The following NAV3 variants were observed in gnomAD, a reference collection of about 807,000 sequenced individuals.
NAV3 encodes pore membrane and/or filament interacting like protein 1.
Under a neutral mutation model 244.7 loss-of-function variants are expected in NAV3, and 87 were observed. The observed-to-expected ratio is 0.36, with a 90% CI of 0.30 to 0.42. The LOEUF (loss-of-function observed/expected upper bound fraction) is 0.42, where lower values mean the gene tolerates loss of function less well. Ranked by LOEUF, NAV3 falls within the 20% of genes least tolerant of loss-of-function variation. The pLI, the probability that NAV3 is intolerant of heterozygous loss-of-function variation, is 1.00. For missense variants in NAV3, 2,663 were observed against 2,893.3 expected, an observed-to-expected ratio of 0.92 and a Z score of 1.83; for synonymous variants, 1,126 against 1,042.2, an observed-to-expected ratio of 1.08 and a Z score of -1.55.
At chr12:77,961,503 A>G (rs565415005) in intron 3 of NAV3, among the ~76,000 whole-genome samples, 2 of 126,798 alleles carry the variant, frequency 1.6e-5, no homozygotes, top group East Asian at 4.8e-4. Flanking sequence ...TATATGTAAT[A>G]TATTAAATAT....
At chr12:78,047,613 A>T (rs1393490453) in intron 9 of NAV3, among the ~76,000 whole-genome samples, 1 of 152,180 alleles carries the variant, frequency 6.6e-6, no homozygotes, top group African/African-American at 2.4e-5. Context: ...GTGGGTAATC[A>T]GCCTTTCTCT....
intron 12 of NAV3, among the ~76,000 whole-genome samples, chr12:78,073,013 A>G (rs2137665041): frequency 7.0e-6 from 1 of 142,466 alleles, no homozygotes; most frequent in Non-Finnish European, 1.6e-5. Context: ...CTCTCAATAA[A>G]TTAGGTATTG....
At chr12:77,587,146 A>G (rs765261242) in intron 2 of NAV3, among the ~76,000 whole-genome samples, 2 of 152,202 alleles carry the variant, frequency 1.3e-5, no homozygotes, top group Non-Finnish European at 2.9e-5. Flanking sequence ...TTGTATTATC[A>G]TAAATTATTA....
intron 18 of NAV3, among the ~76,000 whole-genome samples, chr12:78,130,109 T>C (rs1489911076): frequency 6.6e-6 from 1 of 152,208 alleles, no homozygotes; most frequent in Non-Finnish European, 1.5e-5. Flanking sequence ...AGCTGAATAA[T>C]CTTCACTGCT....
intron 2 of NAV3, among the ~76,000 whole-genome samples, chr12:77,635,792 G>A (rs1872128806): frequency 6.6e-6 from 1 of 152,134 alleles, no homozygotes; most frequent in Non-Finnish European, 1.5e-5. Context: ...AAACCGCTGT[G>A]AGGTAGGAAC....
intron 2 of NAV3, among the ~76,000 whole-genome samples, chr12:77,641,079 T>G (rs1872389563): frequency 6.6e-6 from 1 of 152,160 alleles, no homozygotes; most frequent in South Asian, 2.1e-4. Flanking sequence ...TGCTGTCTCA[T>G]TCCTATGCCT....
intron 2 of NAV3, among the ~76,000 whole-genome samples, chr12:77,719,212 A>G (rs897189813): frequency 6.6e-6 from 1 of 152,118 alleles, no homozygotes; most frequent in East Asian, 1.9e-4. Context: ...ACATTTTTTG[A>G]AATCTTTAGG....
At chr12:77,878,785 C>CATT (rs1882209099) in intron 1 of NAV3, among the ~76,000 whole-genome samples, 1 of 147,238 alleles carries the variant, frequency 6.8e-6, no homozygotes, top group African/African-American at 2.5e-5. Context: ...TTAATTCTAT[C>CATT]ATTTTTTTTT....
chr12:77,700,270 G>A (rs1875502035), intron 2 of NAV3, among the ~76,000 whole-genome samples: 1 of 152,158 alleles, frequency 6.6e-6, no homozygotes, highest in Non-Finnish European at 1.5e-5. Flanking sequence ...CTTGGAGTTG[G>A]AAGGGATCTG....
chr12:77,677,427 C>A (rs1007973712), intron 2 of NAV3, among the ~76,000 whole-genome samples: 1 of 152,136 alleles, frequency 6.6e-6, no homozygotes, highest in African/African-American at 2.4e-5. Flanking sequence ...GTTTAATGCC[C>A]GGTTGTTGTT....
intron 12 of NAV3, among the ~76,000 whole-genome samples, chr12:78,096,937 G>A (rs1043324745): frequency 3.3e-5 from 5 of 152,244 alleles, no homozygotes; most frequent in African/African-American, 4.8e-5. Flanking sequence ...CCCTTTCTGT[G>A]CATGCACTCA....
At chr12:77,762,410 C>A (rs948154432) in intron 2 of NAV3, among the ~76,000 whole-genome samples, 29 of 151,626 alleles carry the variant, frequency 1.9e-4, no homozygotes, top group Admixed American at 3.9e-4. Context: ...ACATGTATCC[C>A]AGAACTTAAA....
intron 2 of NAV3, among the ~76,000 whole-genome samples, chr12:77,630,140 A>G (rs1245823163): frequency 6.6e-6 from 1 of 152,166 alleles, no homozygotes; most frequent in African/African-American, 2.4e-5. Context: ...GGGTTAAAGT[A>G]AGATAGGGAA....
At position 77,786,611 on chromosome 12, in the gene NAV3, G is replaced by A. The variant is rs953359786; in HGVS notation, c.73-153708G>A. 2.0e-5 allele frequency among the ~76,000 whole-genome samples: 3 copies of A among 152,284 alleles called. No homozygotes were observed. The South Asian group carries it at 6.2e-4, about 32-fold the overall frequency. ...TCTTTTAACATTTTGAAACAGTTCA[G>A]ATGGAGGTAGATAGGAGCTGGACAC... is the stretch of plus-strand genomic sequence containing the variant. On this transcript the variant is annotated intron_variant, in intron 2 of 8. Transcript: ENST00000550042.
intron 2 of NAV3, among the ~76,000 whole-genome samples, chr12:77,780,773 G>A (rs73138024): frequency 0.011 from 1,631 of 152,244 alleles, 8 homozygotes; most frequent in Non-Finnish European, 0.015. Flanking sequence ...GCTTTACATC[G>A]CAAAGGAGTA....
intron 2 of NAV3, among the ~76,000 whole-genome samples, chr12:77,614,529 G>A (rs908322203): frequency 6.6e-6 from 1 of 152,082 alleles, no homozygotes; most frequent in Non-Finnish European, 1.5e-5. Flanking sequence ...TTTGAAAAAT[G>A]GAATTGAGTT....
chr12:77,610,987 C>A, intron 2 of NAV3, among the ~76,000 whole-genome samples: 1 of 147,640 alleles, frequency 6.8e-6, no homozygotes, highest in South Asian at 2.1e-4. Flanking sequence ...TATTGAAAAC[C>A]TCCATTAGAA....
chr12:77,577,032 G>A (rs911634717), intron 2 of NAV3, among the ~76,000 whole-genome samples: 1 of 152,020 alleles, frequency 6.6e-6, no homozygotes, highest in Non-Finnish European at 1.5e-5. Flanking sequence ...TTCAACTGTT[G>A]ATTATCTAAA....
chr12:78,181,766 AT>A, intron 30 of NAV3, among the ~76,000 whole-genome samples: 2 of 152,130 alleles, frequency 1.3e-5, no homozygotes, highest in South Asian at 4.1e-4. Context: ...GAAACCAATA[AT>A]ATGTATGTTC....
Sources: allele counts gnomAD v4.1 joint callset (sites outside exome capture counted in the v4.1 genomes callset), GRCh38; gene constraint gnomAD v4.1.1; transcripts MANE v1.5; gene names NCBI Gene and HGNC (gene_info 2026-07-23, HGNC 2026-07-21).